LOXHD1: variants seen among roughly 807,000 people sequenced by gnomAD.
LOXHD1 encodes lipoxygenase homology domain-containing protein 1.
Under a neutral mutation model 248.2 loss-of-function variants are expected in LOXHD1, and 205 were observed. That is an observed-to-expected ratio of 0.83 (90% confidence interval 0.74 to 0.93). The LOEUF (loss-of-function observed/expected upper bound fraction) is 0.93. Among genes scored for constraint, LOXHD1 ranks in the 40% least tolerant of loss-of-function variants. The probability of loss-of-function intolerance (pLI) is 0.00; values close to 1 mark genes in which losing one functional copy is unlikely to be tolerated. For synonymous variants in LOXHD1, 1,113 were observed against 1,162.8 expected (o/e 0.96, Z 0.87); for missense variants, 2,930 against 2,971.6 (o/e 0.99, Z 0.33).
At chr18:46,512,700 G>C (rs1195256533) in intron 34 of LOXHD1, among the ~76,000 whole-genome samples, 2 of 152,182 alleles carry the variant, frequency 1.3e-5, no homozygotes, top group Admixed American at 1.3e-4. Context: ...CCTTTAGTAA[G>C]TTTTTGTTAC....
At chr18:46,494,855 T>TTTTC (rs2033741926) in intron 37 of LOXHD1, among the ~76,000 whole-genome samples, 1 of 132,882 alleles carries the variant, frequency 7.5e-6, no homozygotes, top group African/African-American at 2.8e-5. Flanking sequence ...CTCTCTTTTT[T>TTTTC]TTTTTTTTTT....
At chr18:46,615,218 C>G (rs2038568620) in intron 5 of LOXHD1, among the ~76,000 whole-genome samples, 1 of 152,152 alleles carries the variant, frequency 6.6e-6, no homozygotes, top group Non-Finnish European at 1.5e-5. Flanking sequence ...GCTATGGGAC[C>G]CCAGCCCCAG....
intron 23 of LOXHD1, among the ~76,000 whole-genome samples, chr18:46,543,979 A>G (rs961010352): frequency 6.6e-6 from 1 of 152,228 alleles, no homozygotes; most frequent in Non-Finnish European, 1.5e-5. Flanking sequence ...TTTCACATAT[A>G]TAATCAGTCC....
chr18:46,642,408 A>G (rs900419203), intron 2 of LOXHD1, among the ~76,000 whole-genome samples: 5 of 152,080 alleles, frequency 3.3e-5, no homozygotes, highest in Admixed American at 3.3e-4. Context: ...ATGGAGGAGG[A>G]AGGAAGGAAT....
intron 22 of LOXHD1, 70 bp downstream of exon 22, chr18:46,546,825 G>C (rs2036861640): frequency 1.4e-6 from 2 of 1,476,876 alleles, no homozygotes; most frequent in African/African-American, 1.4e-5. Context: ...AAGGAAGATG[G>C]AGACTTAGGG....
At position 46,569,524 on chromosome 18, in the gene LOXHD1, A is replaced by T; in HGVS notation, c.2162T>A (p.Leu721His). Residue 721 changes from leucine to histidine, a missense_variant, in exon 16 of 41, where the codon CTT becomes CAT. By Grantham distance (99) the Leu-to-His change is moderately conservative (BLOSUM62 -3). Coordinates refer to ENST00000642948, the MANE Select transcript of LOXHD1 (RefSeq NM_001384474.1). ...DKSDTIKQVLLVSDNNLKDYF... is the reference protein window; with the variant it reads ...DKSDTIKQVLHVSDNNLKDYF... Reference sequence around the variant, plus strand: ...GTCTTTGAGGTTGTTGTCAGAGACAAGAAGAACTTGCTTGATGGTGTCAGA... The same window carrying T: ...GTCTTTGAGGTTGTTGTCAGAGACATGAAGAACTTGCTTGATGGTGTCAGA... 6.4e-7 allele frequency: 1 copy of T among 1,552,112 alleles called. No homozygotes were observed. Among genetic ancestry groups the T allele is most frequent in the Non-Finnish European group, 8.7e-7 (1 of 1,147,084 alleles).
intron 21 of LOXHD1, 131 bp downstream of exon 21, chr18:46,557,225 G>A: frequency 3.7e-6 from 4 of 1,084,056 alleles, no homozygotes; most frequent in Non-Finnish European, 5.3e-6. Context: ...ACCCTTAGGT[G>A]TCACCCAGCC....
Position 46,538,328 on chromosome 18 carries a change from TAAGGAAC to T in LOXHD1, c.3916_3922del (p.Val1306ThrfsTer57), listed in dbSNP as rs1419749403. ...ATCACTGGTGTAGAGGGTGATCTCG[TAAGGAAC>T]AACTGAGGGTGGTGGTCAGAGGGCA... On this transcript the variant is annotated frameshift_variant and splice_region_variant, in exon 26 of 41. Transcript: ENST00000642948. LOFTEE classifies it high-confidence loss of function. 9 of 1,548,250 alleles carry T rather than the reference TAAGGAAC, an allele frequency of 5.8e-6. No individual in the cohort carries two copies. Among genetic ancestry groups the T allele is most frequent in the Admixed American group, 2.0e-5 (1 of 50,930 alleles).
At position 46,591,893 on chromosome 18, in the gene LOXHD1, T is replaced by C. The variant is rs1267566133; in HGVS notation, c.1654+40A>G. 2.6e-6 allele frequency: 4 copies of C among 1,545,978 alleles called. No individual in the cohort carries two copies. The African/African-American group carries it at 5.8e-5, about 22-fold the overall frequency. Reference sequence around the variant, plus strand: ...GGCCCATCGGGACACCAAGCAGGAGTTCCACTGCCTCCCAGGATGGAGAGC... The same window carrying C: ...GGCCCATCGGGACACCAAGCAGGAGCTCCACTGCCTCCCAGGATGGAGAGC... On this transcript the variant is annotated intron_variant, in intron 12 of 40. Coordinates refer to ENST00000642948, the MANE Select transcript of LOXHD1 (RefSeq NM_001384474.1).
rs566247750 is a variant in LOXHD1, at chr18:46,529,165, T to G, written c.4530+12A>C. 2 of 1,551,494 alleles carry G rather than the reference T, an allele frequency of 1.3e-6. No individual in the cohort carries two copies. Among genetic ancestry groups the G allele is most frequent in the South Asian group, 1.2e-5 (1 of 84,038 alleles). On this transcript the variant is annotated intron_variant, in intron 29 of 40. Coordinates refer to ENST00000642948, the MANE Select transcript of LOXHD1 (RefSeq NM_001384474.1). ...GGAGGGAAGGAGGGTAAACTCCGTG[T>G]GCCCCTCATACCGTTCCTCTCTCGA...
chr18:46,569,265 T>A (rs1046090995), intron 16 of LOXHD1, among the ~76,000 whole-genome samples, 177 bp downstream of exon 16: 12 of 152,200 alleles, frequency 7.9e-5, no homozygotes, highest in Non-Finnish European at 1.6e-4. Flanking sequence ...GCTAAAAAAC[T>A]ACACACCTCA....
rs2038938973 is a variant in LOXHD1, at chr18:46,639,694, A to G, written c.433T>C (p.Trp145Arg). Residue 145 changes from tryptophan (W) to arginine (R), a missense_variant, in exon 4 of 41, where the codon TGG (tryptophan) becomes CGG (arginine). Trp to Arg is a moderately radical substitution (Grantham distance 101, BLOSUM62 -3). Transcript: ENST00000642948. Reference protein sequence around the residue: ...HLRYYFNCNNWLSKVEGDRQW... With the variant: ...HLRYYFNCNNRLSKVEGDRQW... ...CGGTCACCTTCCACCTTGCTCAGCC[A>G]GTTGTTGCAGTTGAAGTAGTAACGG... 1.3e-6 allele frequency: 2 copies of G among 1,551,658 alleles called. No homozygotes were observed. Among genetic ancestry groups the G allele is most frequent in the Non-Finnish European group, 1.7e-6 (2 of 1,147,014 alleles).
At chr18:46,589,161 A>C (rs1473393839) in intron 12 of LOXHD1, among the ~76,000 whole-genome samples, 1 of 152,208 alleles carries the variant, frequency 6.6e-6, no homozygotes, top group East Asian at 1.9e-4. Flanking sequence ...TGGCAAACTG[A>C]CAAAGTGTGT....
At chr18:46,483,482 G>A in intron 40 of LOXHD1, 105 bp downstream of exon 40, 1 of 1,382,434 alleles carries the variant, frequency 7.2e-7, no homozygotes, top group Non-Finnish European at 1.0e-6. Context: ...TCTTGACCTT[G>A]AAGAAGAGAC....
At chr18:46,579,582 A>G (rs1235620782) in intron 13 of LOXHD1, 48 bp downstream of exon 13, 8 of 1,550,278 alleles carry the variant, frequency 5.2e-6, no homozygotes, top group Non-Finnish European at 7.0e-6. Flanking sequence ...GAACATGGGA[A>G]GGGAACTGGG....
chr18:46,504,794 T>C (rs568123975), intron 37 of LOXHD1, among the ~76,000 whole-genome samples: 36 of 152,294 alleles, frequency 2.4e-4, no homozygotes, highest in Non-Finnish European at 3.8e-4. Flanking sequence ...GGGCAGCCAT[T>C]TGGGAGACCC....
chr18:46,485,806 G>A (rs913270059), intron 38 of LOXHD1, among the ~76,000 whole-genome samples: 2 of 152,092 alleles, frequency 1.3e-5, no homozygotes, highest in Admixed American at 6.6e-5. Context: ...CGTGGGGTAA[G>A]AGGAAAACCT....
chr18:46,611,765 T>C (rs933795399), intron 5 of LOXHD1, among the ~76,000 whole-genome samples: 2 of 152,222 alleles, frequency 1.3e-5, no homozygotes, highest in Admixed American at 6.5e-5. Flanking sequence ...ACCTTTCTCA[T>C]TTCTTAAGGA....
At chr18:46,570,258 C>T (rs543348211) in intron 15 of LOXHD1, among the ~76,000 whole-genome samples, 9 of 152,300 alleles carry the variant, frequency 5.9e-5, no homozygotes, top group South Asian at 4.1e-4. Context: ...TCTGCATTAT[C>T]GGTCTTCAGG....
Sources: allele counts gnomAD v4.1 joint callset (sites outside exome capture counted in the v4.1 genomes callset), GRCh38; gene constraint gnomAD v4.1.1; transcripts MANE v1.5; gene names NCBI Gene and HGNC (gene_info 2026-07-23, HGNC 2026-07-21).